Variants in KLHL8 observed in about 807,000 individuals in gnomAD.
KLHL8 encodes kelch-like protein 8.
KLHL8 carries 38 observed loss-of-function variants against 63.5 expected under a neutral mutation model. The observed-to-expected ratio is 0.60, with a 90% CI of 0.46 to 0.78. KLHL8 has a LOEUF of 0.78. Among genes scored for constraint, KLHL8 ranks in the 30% least tolerant of loss-of-function variants. The pLI is 0.00. For missense variants in KLHL8, 566 were observed against 752.4 expected (o/e 0.75, Z 2.90); for synonymous variants, 224 against 254.3 (o/e 0.88, Z 1.13).
chr4:87,177,266 G>T (rs1730860205), intron 5 of KLHL8, among the ~76,000 whole-genome samples: 1 of 152,064 alleles, frequency 6.6e-6, no homozygotes, highest in African/African-American at 2.4e-5. Context: ...TGTAATCCCA[G>T]CACTTTGGAA....
intron 4 of KLHL8, among the ~76,000 whole-genome samples, chr4:87,179,911 C>A (rs1410827769): frequency 1.3e-5 from 2 of 151,874 alleles, no homozygotes; most frequent in African/African-American, 4.8e-5. Flanking sequence ...CTGGGCCTGA[C>A]TTCCAGAGTT....
At chr4:87,207,625 A>C in intron 1 of KLHL8, 1 of 1,229,890 alleles carries the variant, frequency 8.1e-7, no homozygotes, top group South Asian at 1.2e-5. Context: ...AGTCCATGCC[A>C]TCACTGCCAC....
At chr4:87,212,298 A>AT (rs897873165) in intron 1 of KLHL8, among the ~76,000 whole-genome samples, 8 of 151,626 alleles carry the variant, frequency 5.3e-5, no homozygotes, top group African/African-American at 1.5e-4. Context: ...CAACCTAGTA[A>AT]TTTTTTTTTG....
intron 5 of KLHL8, among the ~76,000 whole-genome samples, chr4:87,177,881 T>A (rs996635308): frequency 2.6e-5 from 4 of 152,128 alleles, no homozygotes; most frequent in African/African-American, 9.7e-5. Flanking sequence ...ACTGTTAATA[T>A]GATCAATTTT....
Position 87,185,388 on chromosome 4 carries a change from G to A in KLHL8, c.628C>T (p.Pro210Ser), listed in dbSNP as rs1222150967. The A allele has an allele frequency of 1.1e-5, 17 of 1,614,060 alleles. No individual in the cohort carries two copies. The highest frequency in any genetic ancestry group is 1.4e-5 in the Non-Finnish European group (16 of 1,180,040). The part of the protein sequence containing the change: ...VECEDFVSVS[P>S]QHLHKLLSSS... ...GACAAAAGCTTATGGAGGTGCTGCGGTGATACACTTACAAAGTCTTCACAC... is the reference window on the plus strand; with the variant it reads ...GACAAAAGCTTATGGAGGTGCTGCGATGATACACTTACAAAGTCTTCACAC... The change falls in exon 3 of 10, where the codon CCG becomes TCG. Residue 210 changes from proline to serine, a missense_variant. Transcript: ENST00000273963.
chr4:87,222,198 A>G (rs1451163208), upstream of KLHL8, among the ~76,000 whole-genome samples: 1 of 152,244 alleles, frequency 6.6e-6, no homozygotes, highest in Non-Finnish European at 1.5e-5. Flanking sequence ...GAAAGACTGA[A>G]GTCTGTCAAC....
At chr4:87,163,854 G>T in intron 9 of KLHL8, 24 bp downstream of exon 9, 1 of 1,602,700 alleles carries the variant, frequency 6.2e-7, no homozygotes, top group Non-Finnish European at 8.5e-7. Context: ...ATAATATAAA[G>T]CACGGAGACA....
rs780293088 is a variant in KLHL8 at position 87,185,379 on chromosome 4, G to A, written c.637C>T (p.Leu213Phe). The part of the protein sequence containing the change: ...EDFVSVSPQH[L>F]HKLLSSSDLN... ...TCACTGGAGGACAAAAGCTTATGGA[G>A]GTGCTGCGGTGATACACTTACAAAG... The change falls in exon 3 of 10, where the codon CTC becomes TTC. Residue 213 changes from leucine (L) to phenylalanine (F), a missense_variant. By Grantham distance (22) the Leu-to-Phe change is conservative. Coordinates refer to ENST00000273963, the MANE Select transcript of KLHL8 (RefSeq NM_020803.5). 1.2e-6 allele frequency: 2 copies of A among 1,614,130 alleles called. No homozygotes were observed. The highest frequency in any genetic ancestry group is 1.3e-5 in the African/African-American group (1 of 75,006).
chr4:87,165,173 A>AG (rs70957210), intron 8 of KLHL8, among the ~76,000 whole-genome samples: 21 of 148,996 alleles, frequency 1.4e-4, no homozygotes, highest in African/African-American at 4.9e-4. Flanking sequence ...AAAAAAAAAA[A>AG]GGTCAGAAAA....
At chr4:87,167,560 G>T in intron 8 of KLHL8, 1 of 534,908 alleles carries the variant, frequency 1.9e-6, no homozygotes. Flanking sequence ...TTTCTGCTCT[G>T]GGGCTGTTAT....
chr4:87,202,662 A>G (rs1210999696), intron 1 of KLHL8, among the ~76,000 whole-genome samples: 1 of 152,210 alleles, frequency 6.6e-6, no homozygotes, highest in Non-Finnish European at 1.5e-5. Context: ...CATTGCTATA[A>G]CTATTAAATT....
intron 1 of KLHL8, chr4:87,219,770 G>T (rs948743157): frequency 6.6e-6 from 1 of 152,492 alleles, no homozygotes; most frequent in African/African-American, 2.4e-5. Flanking sequence ...AGAGGCTGCG[G>T]TTCCTGGTTC....
chr4:87,236,151 C>T (rs1578414015), intron 1 of KLHL8, among the ~76,000 whole-genome samples: 1 of 152,018 alleles, frequency 6.6e-6, no homozygotes, highest in Non-Finnish European at 1.5e-5. Context: ...TTTCCTTCTA[C>T]CTTAAAATAT....
At chr4:87,229,046 A>G (rs1300723683) in intron 1 of KLHL8, among the ~76,000 whole-genome samples, 1 of 152,254 alleles carries the variant, frequency 6.6e-6, no homozygotes, top group Non-Finnish European at 1.5e-5. Context: ...TTCTTTTTCA[A>G]AGAAGCAGAA....
chr4:87,220,530 G>A lies in KLHL8; in HGVS notation c.-264C>T, dbSNP rs1477151899. ...CCTCACCAACCCCGCGCGAGCACCC[G>A]GCGGACGCGCGCTCTCCTGCGCGGC... On this transcript the variant is annotated 5_prime_UTR_variant, in exon 1 of 10. Transcript: ENST00000273963. 2 of 152,156 alleles carry A rather than the reference G, an allele frequency of 1.3e-5. No individual in the cohort carries two copies. Among genetic ancestry groups the A allele is most frequent in the Non-Finnish European group, 2.9e-5 (2 of 68,060 alleles). The allele number at this position is 152,156 out of a possible 1,614,324, so 9.4% of individuals were successfully genotyped here. A position where few individuals can be genotyped will look rare whatever the true frequency, so the allele number is the denominator to read the frequency against.
chr4:87,186,917 G>A (rs1401463186), intron 2 of KLHL8, among the ~76,000 whole-genome samples: 1 of 151,566 alleles, frequency 6.6e-6, no homozygotes, highest in Non-Finnish European at 1.5e-5. Flanking sequence ...GCTCAACTGA[G>A]GTTTTTTTTT....
chr4:87,197,134 A>T (rs1365840713), intron 1 of KLHL8, among the ~76,000 whole-genome samples: 1 of 152,234 alleles, frequency 6.6e-6, no homozygotes, highest in East Asian at 1.9e-4. Flanking sequence ...TGGCAGACAT[A>T]CATGACAGTG....
chr4:87,185,805 CA>C lies in KLHL8; in HGVS notation c.217-7del. 1 of 1,564,510 alleles carries C rather than the reference CA, an allele frequency of 6.4e-7. No individual in the cohort carries two copies. Reference sequence around the variant, plus strand: ...GAGATTAGCTTTGAGCCAACCTGTTCAAAAGAAACCAAGAAAGATTCTGTTT... The same window carrying C: ...GAGATTAGCTTTGAGCCAACCTGTTCAAAGAAACCAAGAAAGATTCTGTTT... On this transcript the variant is annotated splice_region_variant and splice_polypyrimidine_tract_variant and intron_variant, in intron 2 of 9. Transcript: ENST00000273963.
At chr4:87,164,990 T>C (rs1049804809) in intron 8 of KLHL8, among the ~76,000 whole-genome samples, 2 of 151,260 alleles carry the variant, frequency 1.3e-5, no homozygotes, top group African/African-American at 2.4e-5. Context: ...CTACTAAAAA[T>C]ACAAAAAAAT....
Sources: allele counts gnomAD v4.1 joint callset (sites outside exome capture counted in the v4.1 genomes callset), GRCh38; gene constraint gnomAD v4.1.1; transcripts MANE v1.5; gene names NCBI Gene and HGNC (gene_info 2026-07-23, HGNC 2026-07-21).